Variants in RABEP2 observed in about 807,000 individuals in gnomAD.
The protein encoded by RABEP2 is rab GTPase-binding effector protein 2.
A neutral mutation model predicts 74.1 loss-of-function variants in RABEP2; 57 were observed. The observed-to-expected ratio is 0.77, with a 90% CI of 0.62 to 0.96. The LOEUF (loss-of-function observed/expected upper bound fraction) is 0.96. Ranked by LOEUF, RABEP2 falls within the 40% of genes least tolerant of loss-of-function variation. The pLI is 0.00. For synonymous variants in RABEP2, 351 were observed against 344.0 expected, an observed-to-expected ratio of 1.02 and a Z score of -0.23; for missense variants, 692 against 756.3, an observed-to-expected ratio of 0.91 and a Z score of 1.00.
intron 2 of RABEP2, among the ~76,000 whole-genome samples, chr16:28,923,819 C>A (rs2152224439): frequency 6.6e-6 from 1 of 152,332 alleles, no homozygotes; most frequent in African/African-American, 2.4e-5. Context: ...GCAGCAGGGG[C>A]ATAGCAGCGG....
intron 5 of RABEP2, among the ~76,000 whole-genome samples, chr16:28,911,422 A>G (rs9708958): frequency 0.76 from 114,945 of 152,108 alleles, 44,800 homozygotes; most frequent in African/African-American, 0.94. Flanking sequence ...AGCACTTTGG[A>G]AGGCCGAGGC....
rs943427245 is a variant in RABEP2, at chr16:28,914,347, T to G, written c.783A>C (p.Glu261Asp). The G allele has an allele frequency of 2.5e-6, 4 of 1,613,490 alleles. No individual in the cohort carries two copies. Among genetic ancestry groups the G allele is most frequent in the Non-Finnish European group, 3.4e-6 (4 of 1,180,024 alleles). Reference sequence around the variant, plus strand: ...CCGTAGACACCAGCGAGGCCGTCTCTTCCTGTTCAGGGCTCAGGCCCTGGC... The same window carrying G: ...CCGTAGACACCAGCGAGGCCGTCTCGTCCTGTTCAGGGCTCAGGCCCTGGC... ...QSRQGLSPEQ[E>D]ETASLVSTGT... Residue 261 changes from glutamate (E) to aspartate (D), a missense_variant, in exon 5 of 13, where the codon GAA (glutamate) becomes GAC (aspartate). By Grantham distance (45) the Glu-to-Asp change is conservative. Coordinates refer to ENST00000358201, the MANE Select transcript of RABEP2 (RefSeq NM_024816.3).
chr16:28,906,268 G>A (rs867977865), intron 8 of RABEP2, 72 bp from the exon 9 acceptor site: 19 of 1,463,166 alleles, frequency 1.3e-5, no homozygotes, highest in East Asian at 7.2e-5. Context: ...CCAGCCAGAC[G>A]GGGATTGTCG....
rs1273840302 is a variant in RABEP2, at chr16:28,905,737, T to A, written c.1458A>T (p.Thr486=). 3 of 1,613,888 alleles carry A rather than the reference T, an allele frequency of 1.9e-6. No homozygotes were observed. The East Asian group carries it at 6.7e-5, about 36-fold the overall frequency. Residue 486 remains threonine, a synonymous_variant, in exon 11 of 13, where the codon ACA becomes ACT. Transcript: ENST00000358201. ...VLEASLCSLR[T]EMERVQQEQS... ...GTTCCTGCTGCACCCGCTCCATCTC[T>A]GTCCTCAGGCTGCACAGGGAGGCTG... is the stretch of plus-strand genomic sequence containing the variant.
chr16:28,906,219 C>T, intron 8 of RABEP2, 23 bp from the exon 9 acceptor site: 1 of 1,551,876 alleles, frequency 6.4e-7, no homozygotes, highest in Non-Finnish European at 8.7e-7. Context: ...GAGGAGTCAC[C>T]TGCTGGGCTG....
chr16:28,910,901 A>G lies in RABEP2; in HGVS notation c.1076T>C (p.Val359Ala). 6.2e-7 allele frequency: 1 copy of G among 1,611,566 alleles called. No homozygotes were observed. Among genetic ancestry groups the G allele is most frequent in the African/African-American group, 1.3e-5 (1 of 74,972 alleles). ...CCAGGTACTCACCATCTGCAGCTGC[A>G]CCCGCTCCTGGGCCTGGCTCACGGT... is the stretch of plus-strand genomic sequence containing the variant. The part of the protein sequence containing the change: ...QGTVSQAQER[V>A]QLQMAELVTT... The change falls in exon 7 of 13, where the codon GTG becomes GCG. Residue 359 changes from valine (V) to alanine (A), a missense_variant. By Grantham distance (64) the Val-to-Ala change is moderately conservative. Coordinates refer to ENST00000358201, the MANE Select transcript of RABEP2 (RefSeq NM_024816.3).
chr16:28,909,889 C>A (rs1469932091), intron 7 of RABEP2, among the ~76,000 whole-genome samples: 3 of 151,540 alleles, frequency 2.0e-5, no homozygotes, highest in African/African-American at 4.8e-5. Context: ...ATTAACCGGG[C>A]GTGGTGGCAG....
chr16:28,918,442 G>A (rs763466010), intron 3 of RABEP2, among the ~76,000 whole-genome samples: 4 of 151,926 alleles, frequency 2.6e-5, no homozygotes, highest in Admixed American at 6.6e-5. Context: ...GTGAAACCCC[G>A]TCGCTACTAA....
At position 28,914,223 on chromosome 16, in the gene RABEP2, C is replaced by T. The variant is rs746398378; in HGVS notation, c.894+13G>A. The T allele has an allele frequency of 8.9e-6, 14 of 1,574,696 alleles. No homozygotes were observed. Among genetic ancestry groups the T allele is most frequent in the Non-Finnish European group, 6.0e-6 (7 of 1,160,286 alleles). On this transcript the variant is annotated intron_variant, in intron 5 of 12. Transcript: ENST00000358201. Reference sequence around the variant, plus strand: ...GGGATGGTACACCCCGCCACCCTGCCCACAACACTCACCTCTGTCTGCAGC... The same window carrying T: ...GGGATGGTACACCCCGCCACCCTGCTCACAACACTCACCTCTGTCTGCAGC...
chr16:28,904,530 G>A lies in RABEP2; in HGVS notation c.*413C>T. On this transcript the variant is annotated 3_prime_UTR_variant, in exon 13 of 13. Coordinates refer to ENST00000358201, the MANE Select transcript of RABEP2 (RefSeq NM_024816.3). ...CTGTGGACAAGCGTCTTAGTGTCAT[G>A]CAGACCAGAAGGCAGCTGCCTGTCC... 6.9e-7 allele frequency: 1 copy of A among 1,454,066 alleles called. No homozygotes were observed. The highest frequency in any genetic ancestry group is 9.1e-7 in the Non-Finnish European group (1 of 1,095,386). 90.1% of individuals were successfully genotyped at this position (1,454,066 alleles called of 1,614,324 possible).
rs748696176 is a variant in RABEP2 at position 28,905,518 on chromosome 16, G to A, written c.1492-5C>T. On this transcript the variant is annotated splice_region_variant and splice_polypyrimidine_tract_variant and intron_variant, in intron 11 of 12. Transcript: ENST00000358201. ...GAGGAGGTCTGGGAGCTGGGCCTGCGGGGACAGACACCACACTGAGCTGGG... is the reference window on the plus strand; with the variant it reads ...GAGGAGGTCTGGGAGCTGGGCCTGCAGGGACAGACACCACACTGAGCTGGG... 15 of 1,609,272 alleles carry A rather than the reference G, an allele frequency of 9.3e-6. No homozygotes were observed. The highest frequency in any genetic ancestry group is 1.9e-4 in the Middle Eastern group (1 of 5,340).
In RABEP2 at chr16:28,914,278, G is replaced by A. The variant is rs750072927; in HGVS notation, c.852C>T (p.Tyr284=). Residue 284 remains tyrosine, a synonymous_variant, in exon 5 of 13, where the codon TAC becomes TAT. Coordinates refer to ENST00000358201, the MANE Select transcript of RABEP2 (RefSeq NM_024816.3). The part of the protein sequence containing the change: ...PEGIYLPPPG[Y]QLVPDTQWEQ... ...CCCACTGAGTGTCTGGGACGAGCTGGTAGCCAGGAGGGGGCAGGTAGATGC... is the reference window on the plus strand; with the variant it reads ...CCCACTGAGTGTCTGGGACGAGCTGATAGCCAGGAGGGGGCAGGTAGATGC... The A allele has an allele frequency of 2.2e-4, 352 of 1,611,524 alleles. No homozygotes were observed. Among genetic ancestry groups the A allele is most frequent in the Non-Finnish European group, 2.8e-4 (336 of 1,179,642 alleles).
rs760824632 is a variant in RABEP2, at chr16:28,914,458, G to A, written c.672C>T (p.Phe224=). The change falls in exon 5 of 13, where the codon TTC becomes TTT. Residue 224 remains phenylalanine (F), a synonymous_variant. Transcript: ENST00000358201. ...AGGCGCTGTCATCGCAGTTGTGAGCGAAGGCCTCAGCGGCTGGACCCCCAT... is the reference window on the plus strand; with the variant it reads ...AGGCGCTGTCATCGCAGTTGTGAGCAAAGGCCTCAGCGGCTGGACCCCCAT... The part of the protein sequence containing the change: ...SGDGGPAAEA[F]AHNCDDSASI... 12 of 1,613,376 alleles carry A rather than the reference G, an allele frequency of 7.4e-6. No individual in the cohort carries two copies. The highest frequency in any genetic ancestry group is 2.2e-5 in the South Asian group (2 of 91,088).
At chr16:28,919,072 T>C (rs1408909389) in intron 3 of RABEP2, among the ~76,000 whole-genome samples, 1 of 152,232 alleles carries the variant, frequency 6.6e-6, no homozygotes, top group Non-Finnish European at 1.5e-5. Context: ...ACTCATCTGA[T>C]AAATGGATCT....
Position 28,911,168 on chromosome 16 carries a change from C to T in RABEP2, c.906G>A (p.Leu302=). ...GACTGACGCTCTCCAGGTCCTTCTG[C>T]AGCTGTCGGCCCTGCCACAGACCCT... is the stretch of plus-strand genomic sequence containing the variant. ...WEQLQTEGRQ[L]QKDLESVSRE... Residue 302 remains leucine (L), a synonymous_variant, in exon 6 of 13, where the codon CTG becomes CTA. Coordinates refer to ENST00000358201, the MANE Select transcript of RABEP2 (RefSeq NM_024816.3). The T allele has an allele frequency of 6.2e-7, 1 of 1,610,076 alleles. No homozygotes were observed. The highest frequency in any genetic ancestry group is 8.5e-7 in the Non-Finnish European group (1 of 1,179,972).
At position 28,914,564 on chromosome 16, in the gene RABEP2, G is replaced by C. The variant is rs754916909; in HGVS notation, c.566C>G (p.Ser189Cys). ...CAGCAACTCCGTGGAGCCGTGCAGG[G>C]AAGGGGCATGCCGGGGACGTCTCTA... ...EIQRRPRHAP[S>C]LHGSTELLPL... The change falls in exon 5 of 13, where the codon TCC becomes TGC. Residue 189 changes from serine to cysteine, a missense_variant. Coordinates refer to ENST00000358201, the MANE Select transcript of RABEP2 (RefSeq NM_024816.3). 86 of 1,610,344 alleles carry C rather than the reference G, an allele frequency of 5.3e-5. No individual in the cohort carries two copies. The highest frequency in any genetic ancestry group is 6.6e-5 in the Non-Finnish European group (78 of 1,177,908).
intron 3 of RABEP2, among the ~76,000 whole-genome samples, chr16:28,918,254 T>C (rs1217130294): frequency 1.3e-5 from 2 of 151,918 alleles, no homozygotes; most frequent in Non-Finnish European, 2.9e-5. Flanking sequence ...TAATTTTTTT[T>C]CCTATAATTG....
intron 1 of RABEP2, 79 bp downstream of exon 1, chr16:28,925,024 C>G: frequency 7.0e-7 from 1 of 1,420,486 alleles, no homozygotes; most frequent in Non-Finnish European, 9.6e-7. Context: ...TCCCTCTCCA[C>G]CCCCCATCCG....
chr16:28,921,938 C>T (rs534429311), intron 2 of RABEP2, among the ~76,000 whole-genome samples: 3 of 151,940 alleles, frequency 2.0e-5, no homozygotes, highest in Admixed American at 6.6e-5. Context: ...GCACTTCAGC[C>T]TGGGTGACTG....
Sources: gnomAD v4.1 joint callset for allele counts (sites outside exome capture counted in the v4.1 genomes callset) on GRCh38, gnomAD v4.1.1 for gene constraint, MANE v1.5 for transcripts, NCBI Gene and HGNC (gene_info 2026-07-23, HGNC 2026-07-21) for gene names.